CNTN4: variants seen among roughly 807,000 people sequenced by gnomAD.
The protein encoded by CNTN4 is contactin 4, also known as contactin-4.
CNTN4 carries 77 observed loss-of-function variants against 122.5 expected under a neutral mutation model. The observed-to-expected ratio is 0.63, with a 90% CI of 0.52 to 0.76. CNTN4 has a LOEUF of 0.76. Among genes scored for constraint, CNTN4 ranks in the 30% least tolerant of loss-of-function variants. The pLI, the probability that CNTN4 is intolerant of heterozygous loss-of-function variation, is 0.00. For missense variants in CNTN4, 1,256 were observed against 1,259.1 expected (o/e 1.00, Z 0.04); for synonymous variants, 512 against 447.0 (o/e 1.15, Z -1.83).
chr3:2,826,503 A>G (rs929933049), intron 7 of CNTN4, among the ~76,000 whole-genome samples: 2 of 152,196 alleles, frequency 1.3e-5, no homozygotes, highest in East Asian at 3.9e-4. Context: ...TTACTGTAGG[A>G]CAGAGATAAA....
chr3:2,715,160 A>T (rs2087413663), intron 4 of CNTN4, among the ~76,000 whole-genome samples: 1 of 152,216 alleles, frequency 6.6e-6, no homozygotes, highest in African/African-American at 2.4e-5. Flanking sequence ...GGAATCAATA[A>T]TTCGCTTTAT....
At chr3:2,293,833 G>T (rs547718337) in intron 2 of CNTN4, among the ~76,000 whole-genome samples, 1 of 152,122 alleles carries the variant, frequency 6.6e-6, no homozygotes, top group South Asian at 2.1e-4. Flanking sequence ...AGTTCTCTTG[G>T]TATTGGGTTT....
At chr3:2,918,509 G>C (rs1264349864) in intron 12 of CNTN4, among the ~76,000 whole-genome samples, 3 of 152,150 alleles carry the variant, frequency 2.0e-5, no homozygotes, top group African/African-American at 7.2e-5. Context: ...TTAGCTGCTA[G>C]AGCTAGCTCA....
intron 3 of CNTN4, among the ~76,000 whole-genome samples, chr3:2,460,957 A>G (rs1253549782): frequency 6.6e-6 from 1 of 152,004 alleles, no homozygotes; most frequent in African/African-American, 2.4e-5. Flanking sequence ...CTGCTCCTTT[A>G]TGGCCCCTTA....
At chr3:2,554,177 T>A (rs2078626872) in intron 3 of CNTN4, among the ~76,000 whole-genome samples, 1 of 152,212 alleles carries the variant, frequency 6.6e-6, no homozygotes, top group Non-Finnish European at 1.5e-5. Flanking sequence ...AATTCAGTTG[T>A]CTTTGCTAAA....
At chr3:2,304,190 A>G (rs1332953934) in intron 2 of CNTN4, among the ~76,000 whole-genome samples, 1 of 152,146 alleles carries the variant, frequency 6.6e-6, no homozygotes, top group African/African-American at 2.4e-5. Context: ...AATTTCTTTT[A>G]CAATATATTT....
chr3:2,659,868 T>G (rs1173229844), intron 4 of CNTN4, among the ~76,000 whole-genome samples: 1 of 152,244 alleles, frequency 6.6e-6, no homozygotes, highest in Non-Finnish European at 1.5e-5. Flanking sequence ...CAATAACATG[T>G]AAATTTCTTA....
At chr3:2,527,427 CTGCTGCTGT>C (rs1456318854) in intron 3 of CNTN4, among the ~76,000 whole-genome samples, 248 of 152,108 alleles carry the variant, frequency 1.6e-3, no homozygotes, top group South Asian at 8.1e-3. Context: ...GCTGCTGCTG[CTGCTGCTGT>C]TGCTGTTATT....
At chr3:2,284,574 A>G (rs1172633261) in intron 2 of CNTN4, among the ~76,000 whole-genome samples, 1 of 152,082 alleles carries the variant, frequency 6.6e-6, no homozygotes, top group Non-Finnish European at 1.5e-5. Flanking sequence ...GGAATTTATA[A>G]TGGAGCATCA....
intron 2 of CNTN4, chr3:2,239,094 T>G (rs561157219): frequency 2.2e-4 from 34 of 152,154 alleles, no homozygotes; most frequent in African/African-American, 7.0e-4. Flanking sequence ...ACCTTTTAAT[T>G]TTGTGCAAAG....
At chr3:2,548,592 T>C (rs1249697070) in intron 3 of CNTN4, among the ~76,000 whole-genome samples, 1 of 152,176 alleles carries the variant, frequency 6.6e-6, no homozygotes, top group Non-Finnish European at 1.5e-5. Context: ...GTAGTATACT[T>C]TGAAGTCAGG....
chr3:2,415,145 G>A (rs1418539491), intron 3 of CNTN4, among the ~76,000 whole-genome samples: 1 of 152,098 alleles, frequency 6.6e-6, no homozygotes, highest in Non-Finnish European at 1.5e-5. Flanking sequence ...AGAGTGCCAG[G>A]GAGTCATACT....
chr3:2,693,333 G>A (rs1167248883), intron 4 of CNTN4, among the ~76,000 whole-genome samples: 1 of 152,022 alleles, frequency 6.6e-6, no homozygotes, highest in East Asian at 1.9e-4. Flanking sequence ...AATCTCCTCC[G>A]GTCCCTGTTA....
chr3:2,650,909 A>C (rs2083329854), intron 4 of CNTN4, among the ~76,000 whole-genome samples: 1 of 152,188 alleles, frequency 6.6e-6, no homozygotes, highest in Admixed American at 6.6e-5. Flanking sequence ...TCTGGAACTG[A>C]GCTTAAGATA....
intron 6 of CNTN4, among the ~76,000 whole-genome samples, chr3:2,786,407 G>C (rs1179018711): frequency 6.6e-6 from 1 of 152,208 alleles, no homozygotes; most frequent in Non-Finnish European, 1.5e-5. Flanking sequence ...GCTCCTGCCA[G>C]TTGCCCAGAA....
chr3:2,268,968 G>A (rs1357686213), intron 2 of CNTN4, among the ~76,000 whole-genome samples: 1 of 152,034 alleles, frequency 6.6e-6, no homozygotes, highest in African/African-American at 2.4e-5. Flanking sequence ...TTTCTCTGCC[G>A]ATCCACAAGG....
intron 20 of CNTN4, among the ~76,000 whole-genome samples, chr3:3,041,728 G>T (rs1395976265): frequency 6.6e-6 from 1 of 152,196 alleles, no homozygotes; most frequent in African/African-American, 2.4e-5. Flanking sequence ...TTGGGAGGGG[G>T]ATGTGGGAGG....
intron 2 of CNTN4, among the ~76,000 whole-genome samples, chr3:2,282,004 T>C (rs1198880120): frequency 1.3e-5 from 2 of 152,180 alleles, no homozygotes; most frequent in Non-Finnish European, 2.9e-5. Context: ...GCTTTTATTT[T>C]TGCATATAAT....
intron 2 of CNTN4, among the ~76,000 whole-genome samples, chr3:2,141,800 C>A (rs1353339681): frequency 6.6e-6 from 1 of 152,084 alleles, no homozygotes; most frequent in Non-Finnish European, 1.5e-5. Context: ...GATGAATTCT[C>A]ACTATGAAAT....
Sources: allele counts gnomAD v4.1 joint callset (sites outside exome capture counted in the v4.1 genomes callset), GRCh38; gene constraint gnomAD v4.1.1; transcripts MANE v1.5; gene names NCBI Gene and HGNC (gene_info 2026-07-23, HGNC 2026-07-21).